PCDHA9: variants seen among roughly 807,000 people sequenced by gnomAD.
The protein encoded by PCDHA9 is protocadherin alpha-9.
A neutral mutation model predicts 62.0 loss-of-function variants in PCDHA9; 62 were observed. That is an observed-to-expected ratio of 1.00 (90% CI 0.81 to 1.23). The LOEUF (loss-of-function observed/expected upper bound fraction) is 1.23, where lower values mean the gene tolerates loss of function less well. Ranked by LOEUF, PCDHA9 falls within the 50% of genes most tolerant of loss-of-function variation. PCDHA9 has a pLI of 0.00. For synonymous variants in PCDHA9, 557 were observed against 567.6 expected (o/e 0.98, Z 0.27); for missense variants, 1,205 against 1,249.8 (o/e 0.96, Z 0.54).
chr5:140,879,468 C>T (rs1302590030), intron 1 of PCDHA9, among the ~76,000 whole-genome samples: 2 of 152,006 alleles, frequency 1.3e-5, no homozygotes, highest in African/African-American at 4.8e-5. Context: ...AAGAGAATAC[C>T]GTTGTGATTG....
At chr5:140,989,940 G>A (rs947716591) in intron 3 of PCDHA9, among the ~76,000 whole-genome samples, 9 of 152,062 alleles carry the variant, frequency 5.9e-5, no homozygotes, top group Admixed American at 1.3e-4. Flanking sequence ...GACATTCCAC[G>A]TTTTTCTCGG....
At chr5:140,931,970 G>A (rs2087909153) in intron 1 of PCDHA9, among the ~76,000 whole-genome samples, 1 of 151,866 alleles carries the variant, frequency 6.6e-6, no homozygotes, top group Non-Finnish European at 1.5e-5. Flanking sequence ...TGATGCATAT[G>A]TGTTTATATT....
At chr5:140,885,267 C>T (rs1448375746) in intron 1 of PCDHA9, among the ~76,000 whole-genome samples, 1 of 151,978 alleles carries the variant, frequency 6.6e-6, no homozygotes, top group Non-Finnish European at 1.5e-5. Flanking sequence ...ATTACTCATA[C>T]ATATATATAT....
intron 1 of PCDHA9, among the ~76,000 whole-genome samples, chr5:140,886,681 C>T (rs1184298079): frequency 1.3e-5 from 2 of 151,832 alleles, no homozygotes; most frequent in Admixed American, 6.6e-5. Context: ...CAAAAATTAG[C>T]GAGGCATGGT....
At chr5:140,864,187 AT>A (rs2153225210) in intron 1 of PCDHA9, 1 of 152,208 alleles carries the variant, frequency 6.6e-6, no homozygotes, top group East Asian at 1.9e-4. Context: ...ATGAATAATG[AT>A]CCTTATGAGA....
intron 1 of PCDHA9, among the ~76,000 whole-genome samples, chr5:140,970,537 GT>G (rs111648801): frequency 0.029 from 4,476 of 152,214 alleles, 218 homozygotes; most frequent in African/African-American, 0.1. Flanking sequence ...ATGTGTGTGT[GT>G]TTGTGTTGTG....
intron 1 of PCDHA9, among the ~76,000 whole-genome samples, chr5:140,910,512 G>A (rs2075055738): frequency 6.6e-6 from 1 of 152,144 alleles, no homozygotes; most frequent in Admixed American, 6.5e-5. Flanking sequence ...GCTCTTCAAG[G>A]ATGCAGGTAC....
At chr5:140,918,793 A>G (rs155800) in intron 1 of PCDHA9, among the ~76,000 whole-genome samples, 49,687 of 146,416 alleles carry the variant, frequency 0.34, 8,402 homozygotes, top group East Asian at 0.54. Context: ...GACACAGCAA[A>G]AATGTGACAT....
At chr5:140,876,938 T>C in intron 1 of PCDHA9, 1 of 1,613,716 alleles carries the variant, frequency 6.2e-7, no homozygotes, top group East Asian at 2.2e-5. Context: ...AAGAACGCGC[T>C]GGTGTCCTAC....
At chr5:140,861,334 A>G in intron 1 of PCDHA9, 1 of 250,308 alleles carries the variant, frequency 4.0e-6, no homozygotes, top group Non-Finnish European at 8.2e-6. Context: ...CCATCCTGGA[A>G]GAGGCCAAGG....
At chr5:140,851,809 T>TA in intron 1 of PCDHA9, 1 of 948,344 alleles carries the variant, frequency 1.1e-6, no homozygotes, top group Non-Finnish European at 1.3e-6. Flanking sequence ...CAGTAATCCA[T>TA]AAGACAGAAA....
chr5:140,851,300 A>G (rs2042018039), intron 1 of PCDHA9: 2 of 1,017,502 alleles, frequency 2.0e-6, no homozygotes, highest in East Asian at 1.2e-4. Context: ...GCAAAAATAT[A>G]TAGCAATTGT....
chr5:140,929,166 C>A (rs782695019), intron 1 of PCDHA9: 1 of 1,614,146 alleles, frequency 6.2e-7, no homozygotes, highest in Admixed American at 1.7e-5. Context: ...TCTATCGGGC[C>A]TCTCTGGGAC....
At chr5:140,988,756 A>G (rs577332845) in intron 3 of PCDHA9, among the ~76,000 whole-genome samples, 170 of 152,318 alleles carry the variant, frequency 1.1e-3, no homozygotes, top group African/African-American at 4.0e-3. Flanking sequence ...TGGCCTGGGC[A>G]GAATACAGTC....
In PCDHA9 at chr5:141,010,436, G is replaced by C; in HGVS notation, c.*499G>C. 2 of 1,038,344 alleles carry C rather than the reference G, an allele frequency of 1.9e-6. No individual in the cohort carries two copies. Among genetic ancestry groups the C allele is most frequent in the Admixed American group, 5.8e-5 (2 of 34,296 alleles). The allele number at this position is 1,038,344 out of a possible 1,614,324, so 64.3% of individuals were successfully genotyped here. A position where few individuals can be genotyped will look rare whatever the true frequency, so the allele number is the denominator to read the frequency against. On this transcript the variant is annotated 3_prime_UTR_variant, in exon 4 of 4. Coordinates refer to ENST00000532602, the MANE Select transcript of PCDHA9 (RefSeq NM_031857.2). The stretch of plus-strand genomic sequence containing the variant: ...GGTACAAGGAAGGCAAGAAAACAAA[G>C]ACAAATAAACAGCGGAAGTTATCAG...
At chr5:140,903,416 T>A (rs2070284951) in intron 1 of PCDHA9, among the ~76,000 whole-genome samples, 1 of 152,184 alleles carries the variant, frequency 6.6e-6, no homozygotes, top group Admixed American at 6.5e-5. Flanking sequence ...TCAGGAAAAA[T>A]TCAGCACAAT....
At chr5:140,948,773 G>A (rs991446033) in intron 1 of PCDHA9, among the ~76,000 whole-genome samples, 12 of 151,352 alleles carry the variant, frequency 7.9e-5, no homozygotes, top group Non-Finnish European at 1.6e-4. Context: ...CGAATAGCCA[G>A]CTTTTGGCTT....
chr5:140,914,957 T>C (rs1355119889), intron 1 of PCDHA9, among the ~76,000 whole-genome samples: 1 of 150,770 alleles, frequency 6.6e-6, no homozygotes, highest in Non-Finnish European at 1.5e-5. Flanking sequence ...TTTTTTTTTT[T>C]TTTTTCTGAG....
In PCDHA9 at chr5:140,912,343, A is replaced by T. The variant is rs547543923; in HGVS notation, c.2394+61454A>T. Among the ~76,000 whole-genome samples, 324 of 143,902 alleles carry T rather than the reference A, an allele frequency of 2.3e-3. 1 individual carries two copies. The highest frequency in any genetic ancestry group is 7.8e-3 in the African/African-American group (308 of 39,358). 94.4% of individuals were successfully genotyped at this position (143,902 alleles called of 152,430 possible). A position where few individuals can be genotyped will look rare whatever the true frequency, so the allele number is the denominator to read the frequency against. On this transcript the variant is annotated intron_variant, in intron 1 of 3. Transcript: ENST00000532602. ...CTCAGTATTAACCAGTACACTAAGT[A>T]TTTTTTTTTTTTTTTGCAGCTGTTG... is the stretch of plus-strand genomic sequence containing the variant.
Sources: gnomAD v4.1 joint callset for allele counts (sites outside exome capture counted in the v4.1 genomes callset) on GRCh38, gnomAD v4.1.1 for gene constraint, MANE v1.5 for transcripts, NCBI Gene and HGNC (gene_info 2026-07-23, HGNC 2026-07-21) for gene names.